Variants in CFAP96 observed in about 807,000 individuals in gnomAD.
CFAP96 encodes cilia-and flagella-associated protein 96.
the CFAP96 span, among the ~76,000 whole-genome samples, chr4:185,443,342 A>ATATATATATTT: frequency 0.011 from 297 of 26,700 alleles, 21 homozygotes; most frequent in Middle Eastern, 0.024. Flanking sequence ...ATATATATAT[A>ATATATATATTT]TTTTTTTTTT....
At chr4:185,438,965 A>T in the CFAP96 span, among the ~76,000 whole-genome samples, 1 of 152,192 alleles carries the variant, frequency 6.6e-6, no homozygotes, top group Non-Finnish European at 1.5e-5. Flanking sequence ...TTGGCTTTGA[A>T]TAGTTTTCTC....
the CFAP96 span, among the ~76,000 whole-genome samples, chr4:185,423,668 C>T: frequency 6.6e-6 from 1 of 152,116 alleles, no homozygotes; most frequent in Non-Finnish European, 1.5e-5. Context: ...AGAGCACTTG[C>T]AAAATGGAAC....
chr4:185,425,740 C>CA, the CFAP96 span: 3 of 1,412,960 alleles, frequency 2.1e-6, no homozygotes, highest in African/African-American at 2.8e-5. Flanking sequence ...CCTGCCCACG[C>CA]AGCTCGCAGC....
chr4:185,445,759 T>G, the CFAP96 span, among the ~76,000 whole-genome samples: 1 of 152,220 alleles, frequency 6.6e-6, no homozygotes, highest in African/African-American at 2.4e-5. Context: ...TAGTACATCT[T>G]TAACACTTGG....
the CFAP96 span, among the ~76,000 whole-genome samples, chr4:185,418,924 A>G: frequency 6.6e-6 from 1 of 152,210 alleles, no homozygotes; most frequent in East Asian, 1.9e-4. Context: ...TCTTTTTAAA[A>G]AAGTCTGTGA....
chr4:185,442,750 A>G, the CFAP96 span, among the ~76,000 whole-genome samples: 8 of 152,286 alleles, frequency 5.3e-5, no homozygotes, highest in Admixed American at 5.2e-4. Context: ...TCAGGAACGT[A>G]TGCTGAATTT....
chr4:185,444,214 A>G, the CFAP96 span, among the ~76,000 whole-genome samples: 2 of 151,828 alleles, frequency 1.3e-5, no homozygotes, highest in Admixed American at 6.6e-5. Flanking sequence ...CGGCCTCCCA[A>G]AGTGCTGGGA....
the CFAP96 span, among the ~76,000 whole-genome samples, chr4:185,423,980 A>T: frequency 4.6e-5 from 7 of 152,154 alleles, no homozygotes; most frequent in Non-Finnish European, 8.8e-5. Flanking sequence ...TAAATGAATA[A>T]GTACTAACAT....
chr4:185,431,652 G>A, the CFAP96 span, among the ~76,000 whole-genome samples: 37 of 152,190 alleles, frequency 2.4e-4, no homozygotes, highest in African/African-American at 7.7e-4. Context: ...CATGACCTAC[G>A]CGCACACCCT....
the CFAP96 span, among the ~76,000 whole-genome samples, chr4:185,446,231 C>A: frequency 6.6e-6 from 1 of 152,190 alleles, no homozygotes; most frequent in African/African-American, 2.4e-5. Flanking sequence ...AATTACTTAA[C>A]ATTTTTATGA....
At chr4:185,436,496 G>A in the CFAP96 span, 25 of 584,396 alleles carry the variant, frequency 4.3e-5, 1 homozygote, top group African/African-American at 1.9e-5. Context: ...CGGATCACGA[G>A]GTCAGGAGTT....
chr4:185,418,071 C>CACACACACACACACACACACACA, the CFAP96 span, among the ~76,000 whole-genome samples: 1 of 151,700 alleles, frequency 6.6e-6, no homozygotes, highest in African/African-American at 2.4e-5. Flanking sequence ...CACACACAAA[C>CACACACACACACACACACACACA]AACAGAACCA....
the CFAP96 span, chr4:185,415,450 G>A: frequency 1.2e-5 from 12 of 1,024,882 alleles, no homozygotes; most frequent in South Asian, 2.5e-4. Context: ...AACTTGATTG[G>A]ACCAGGTTTG....
the CFAP96 span, chr4:185,425,874 C>T: frequency 4.4e-6 from 7 of 1,603,122 alleles, no homozygotes; most frequent in Non-Finnish European, 6.0e-6. Flanking sequence ...ACCATGTCCG[C>T]GACGTGGCGG....
At chr4:185,414,873 T>C in the CFAP96 span, among the ~76,000 whole-genome samples, 1 of 152,196 alleles carries the variant, frequency 6.6e-6, no homozygotes, top group Non-Finnish European at 1.5e-5. Flanking sequence ...ACCATTTCTA[T>C]ATTTCATTAT....
the CFAP96 span, among the ~76,000 whole-genome samples, chr4:185,441,210 G>T: frequency 6.6e-6 from 1 of 152,060 alleles, no homozygotes; most frequent in African/African-American, 2.4e-5. Flanking sequence ...TTTTTGAAAT[G>T]GTAATTAAAA....
At chr4:185,431,867 A>C in the CFAP96 span, 1 of 812,376 alleles carries the variant, frequency 1.2e-6, no homozygotes, top group Non-Finnish European at 1.9e-6. Context: ...ACAGTGCTTT[A>C]GAGCTCAAAA....
the CFAP96 span, among the ~76,000 whole-genome samples, chr4:185,430,397 A>G: frequency 6.6e-6 from 1 of 152,222 alleles, no homozygotes; most frequent in Non-Finnish European, 1.5e-5. Flanking sequence ...CTCAGCATGA[A>G]CAATGTGATT....
chr4:185,418,071 C>CACACACACA, the CFAP96 span, among the ~76,000 whole-genome samples: 22 of 151,808 alleles, frequency 1.4e-4, no homozygotes, highest in South Asian at 4.2e-4. Context: ...CACACACAAA[C>CACACACACA]AACAGAACCA....
Sources: gnomAD v4.1 joint callset for allele counts (sites outside exome capture counted in the v4.1 genomes callset) on GRCh38, gnomAD v4.1.1 for gene constraint, MANE v1.5 for transcripts, NCBI Gene and HGNC (gene_info 2026-07-23, HGNC 2026-07-21) for gene names.